BCKDHB: variants seen among roughly 807,000 people sequenced by gnomAD.
The protein encoded by BCKDHB is branched chain keto acid dehydrogenase E1 subunit beta, also known as 2-oxoisovalerate dehydrogenase subunit beta, mitochondrial.
A neutral mutation model predicts 48.5 loss-of-function variants in BCKDHB; 41 were observed. The observed-to-expected ratio is 0.85, with a 90% confidence interval of 0.66 to 1.10. The LOEUF (loss-of-function observed/expected upper bound fraction) is 1.10, where lower values mean the gene tolerates loss of function less well. Ranked by LOEUF, BCKDHB falls within the 50% of genes least tolerant of loss-of-function variation. BCKDHB has a pLI of 0.00. For missense variants in BCKDHB, 496 were observed against 494.2 expected, an observed-to-expected ratio of 1.00 and a Z score of -0.03; for synonymous variants, 201 against 174.8, an observed-to-expected ratio of 1.15 and a Z score of -1.18.
At chr6:80,210,118 A>G (rs1774847040) in intron 8 of BCKDHB, among the ~76,000 whole-genome samples, 2 of 131,638 alleles carry the variant, frequency 1.5e-5, no homozygotes, top group South Asian at 2.8e-4. Flanking sequence ...CTGTATGTGT[A>G]TATGTGAAGA....
In BCKDHB at chr6:80,112,439, A is replaced by G. The variant is rs571887822; in HGVS notation, c.196+5550A>G. Among the ~76,000 whole-genome samples, 6 of 152,290 alleles carry G rather than the reference A, an allele frequency of 3.9e-5. No individual in the cohort carries two copies. The East Asian group carries it at 1.2e-3, about 29-fold the overall frequency. On this transcript the variant is annotated intron_variant, in intron 1 of 9. Coordinates refer to ENST00000320393, the MANE Select transcript of BCKDHB (RefSeq NM_183050.4). ...CAACCCTACTTAGAACAGCAGCACA[A>G]AAGCCTGGATACATGCACCTCCATC...
intron 3 of BCKDHB, among the ~76,000 whole-genome samples, chr6:80,133,179 C>T (rs1419199772): frequency 6.6e-6 from 1 of 152,152 alleles, no homozygotes; most frequent in Admixed American, 6.6e-5. Context: ...TGGCATTGTG[C>T]CAGCACTTGA....
In BCKDHB at chr6:80,329,340, T is replaced by A. The variant is rs143980685; in HGVS notation, c.1039-14324T>A. Reference sequence around the variant, plus strand: ...AGTGTGTTTGACTTACCACTCACTGTATTGTGTCTCACTTAGATTACCAGC... The same window carrying A: ...AGTGTGTTTGACTTACCACTCACTGAATTGTGTCTCACTTAGATTACCAGC... On this transcript the variant is annotated intron_variant, in intron 9 of 9. Coordinates refer to ENST00000320393, the MANE Select transcript of BCKDHB (RefSeq NM_183050.4). Among the ~76,000 whole-genome samples, 767 of 152,308 alleles carry A rather than the reference T, an allele frequency of 5.0e-3. 3 individuals are homozygous for A. The highest frequency in any genetic ancestry group is 0.017 in the African/African-American group (713 of 41,556).
At chr6:80,107,407 T>C (rs1769141795) in intron 1 of BCKDHB, among the ~76,000 whole-genome samples, 1 of 125,878 alleles carries the variant, frequency 7.9e-6, no homozygotes, top group Non-Finnish European at 1.7e-5. Flanking sequence ...TCTTCTTACA[T>C]ACAGAAATTG....
At chr6:80,408,858 G>T in the BCKDHB span, among the ~76,000 whole-genome samples, 3 of 143,588 alleles carry the variant, frequency 2.1e-5, no homozygotes, top group Admixed American at 2.1e-4. Flanking sequence ...AGGGTTTTTT[G>T]TGTCTCTATC....
At chr6:80,147,593 C>T (rs974595786) in intron 3 of BCKDHB, among the ~76,000 whole-genome samples, 14 of 152,104 alleles carry the variant, frequency 9.2e-5, no homozygotes, top group African/African-American at 3.1e-4. Flanking sequence ...GAAGCTGAGA[C>T]TAAAAGCAGG....
intron 9 of BCKDHB, among the ~76,000 whole-genome samples, chr6:80,283,459 A>G (rs1252237234): frequency 6.6e-6 from 1 of 152,086 alleles, no homozygotes; most frequent in Non-Finnish European, 1.5e-5. Flanking sequence ...TCAAAGGTGC[A>G]TTCATACCAA....
At chr6:80,418,500 T>G in the BCKDHB span, among the ~76,000 whole-genome samples, 1 of 152,198 alleles carries the variant, frequency 6.6e-6, no homozygotes, top group Non-Finnish European at 1.5e-5. Flanking sequence ...GAGGGTTTGA[T>G]TATGGTAAAA....
chr6:80,227,874 T>C (rs1196502354), intron 8 of BCKDHB, among the ~76,000 whole-genome samples: 1 of 152,228 alleles, frequency 6.6e-6, no homozygotes, highest in Non-Finnish European at 1.5e-5. Flanking sequence ...TTTTTATTCC[T>C]GTGAGCCATA....
intron 6 of BCKDHB, among the ~76,000 whole-genome samples, chr6:80,186,863 C>A (rs1318426087): frequency 1.3e-5 from 2 of 152,208 alleles, no homozygotes; most frequent in Non-Finnish European, 2.9e-5. Flanking sequence ...AGATTAAATT[C>A]TTCTCCTGTG....
chr6:80,248,534 T>A (rs933867858), intron 8 of BCKDHB, among the ~76,000 whole-genome samples: 1 of 152,122 alleles, frequency 6.6e-6, no homozygotes, highest in Non-Finnish European at 1.5e-5. Context: ...TGGGATATGG[T>A]ATGAGCCCAG....
At chr6:80,432,032 C>T in the BCKDHB span, among the ~76,000 whole-genome samples, 1 of 152,208 alleles carries the variant, frequency 6.6e-6, no homozygotes, top group Non-Finnish European at 1.5e-5. Context: ...CCATGCTCTT[C>T]TGGCTTGCAG....
At chr6:80,412,507 T>C in the BCKDHB span, among the ~76,000 whole-genome samples, 508 of 152,354 alleles carry the variant, frequency 3.3e-3, 5 homozygotes, top group Non-Finnish European at 6.2e-3. Flanking sequence ...ATAATTAGTT[T>C]CAACACTTTT....
chr6:80,432,538 T>C, the BCKDHB span, among the ~76,000 whole-genome samples: 3 of 152,252 alleles, frequency 2.0e-5, no homozygotes, highest in South Asian at 2.1e-4. Flanking sequence ...CATCTGGTCA[T>C]TTATGTTCTC....
At chr6:80,266,615 A>T (rs1447758900) in intron 8 of BCKDHB, among the ~76,000 whole-genome samples, 1 of 152,090 alleles carries the variant, frequency 6.6e-6, no homozygotes, top group African/African-American at 2.4e-5. Context: ...CATGTATTGT[A>T]CTGCGAACTC....
intron 9 of BCKDHB, among the ~76,000 whole-genome samples, chr6:80,297,291 C>A: frequency 6.6e-6 from 1 of 152,150 alleles, no homozygotes; most frequent in East Asian, 1.9e-4. Context: ...TTGAAGATAT[C>A]TTTATTTTGT....
downstream of BCKDHB, among the ~76,000 whole-genome samples, chr6:80,346,512 G>A (rs1329472646): frequency 6.6e-6 from 1 of 152,006 alleles, no homozygotes; most frequent in Non-Finnish European, 1.5e-5. Context: ...CGTAATGAAT[G>A]TACTCACCTC....
At chr6:80,107,423 A>ATG (rs60917181) in intron 1 of BCKDHB, among the ~76,000 whole-genome samples, 2,041 of 73,180 alleles carry the variant, frequency 0.028, 31 homozygotes, top group East Asian at 0.037. Flanking sequence ...AATTGTGTGT[A>ATG]TGTGTGTGTG....
At chr6:80,112,828 G>A (rs1054749430) in intron 1 of BCKDHB, among the ~76,000 whole-genome samples, 1 of 152,206 alleles carries the variant, frequency 6.6e-6, no homozygotes, top group African/African-American at 2.4e-5. Flanking sequence ...CATGGGTGCT[G>A]CTTTGTATGT....
Sources: allele counts gnomAD v4.1 joint callset (sites outside exome capture counted in the v4.1 genomes callset), GRCh38; gene constraint gnomAD v4.1.1; transcripts MANE v1.5; gene names NCBI Gene and HGNC (gene_info 2026-07-23, HGNC 2026-07-21).